Variants in ATP13A4 observed in about 807,000 individuals in gnomAD.
ATP13A4 encodes the protein ATPase 13A4, also known as probable cation-transporting ATPase 13A4.
ATP13A4 carries 114 observed loss-of-function variants against 142.5 expected under a neutral mutation model. That is an observed-to-expected ratio of 0.80 (90% CI 0.69 to 0.93). ATP13A4 has a LOEUF of 0.93. Among genes scored for constraint, ATP13A4 ranks in the 40% least tolerant of loss-of-function variants. The pLI is 0.00. For missense variants in ATP13A4, 1,392 were observed against 1,454.0 expected (o/e 0.96, Z 0.69); for synonymous variants, 488 against 514.8 (o/e 0.95, Z 0.70).
intron 7 of ATP13A4, among the ~76,000 whole-genome samples, chr3:193,489,291 A>G (rs1719810604): frequency 2.0e-5 from 3 of 152,114 alleles, no homozygotes; most frequent in African/African-American, 7.2e-5. Context: ...AACCTGGTGT[A>G]GGCATAAAGA....
At position 193,528,399 on chromosome 3, in the gene ATP13A4, T is replaced by C. The variant is rs148142125; in HGVS notation, c.61-13528A>G. Among the ~76,000 whole-genome samples the C allele has an allele frequency of 1.4e-4, 21 of 152,324 alleles. No homozygotes were observed. The East Asian group carries it at 4.0e-3, about 29-fold the overall frequency. ...TTCTTAAGATGGCACCATCAAGCCA[T>C]GATGCATGGCTCAGGTTTTGACTGA... On this transcript the variant is annotated intron_variant, in intron 1 of 29. Coordinates refer to ENST00000342695, the MANE Select transcript of ATP13A4 (RefSeq NM_032279.4).
chr3:193,494,177 T>G lies in ATP13A4; in HGVS notation c.382-1017A>C, dbSNP rs143492123. ...GGAGAAATGGACTGAAATACAATGA[T>G]AGTAAAAAATTTCAACACCTCACTC... On this transcript the variant is annotated intron_variant, in intron 3 of 29. Transcript: ENST00000342695. Among the ~76,000 whole-genome samples the G allele has an allele frequency of 1.4e-3, 212 of 152,064 alleles. 1 individual carries two copies. Among genetic ancestry groups the G allele is most frequent in the African/African-American group, 4.9e-3 (203 of 41,512 alleles).
At chr3:193,527,643 C>A (rs923386843) in intron 1 of ATP13A4, among the ~76,000 whole-genome samples, 2 of 151,846 alleles carry the variant, frequency 1.3e-5, no homozygotes, top group African/African-American at 2.4e-5. Context: ...CACTTCCCCC[C>A]TCCCCTGCCT....
At chr3:193,521,234 G>A (rs908914053) in intron 1 of ATP13A4, among the ~76,000 whole-genome samples, 12 of 151,950 alleles carry the variant, frequency 7.9e-5, no homozygotes, top group African/African-American at 2.9e-4. Context: ...CTATAATTCA[G>A]GGCAGAAAAT....
intron 28 of ATP13A4, among the ~76,000 whole-genome samples, chr3:193,407,693 A>C (rs779010088): frequency 6.6e-6 from 1 of 152,004 alleles, no homozygotes; most frequent in Non-Finnish European, 1.5e-5. Flanking sequence ...AAATTTCCTA[A>C]AATAACTTTG....
chr3:193,483,602 C>G (rs530892075), intron 8 of ATP13A4, among the ~76,000 whole-genome samples: 1 of 151,784 alleles, frequency 6.6e-6, no homozygotes, highest in Non-Finnish European at 1.5e-5. Flanking sequence ...ATAGCTGGGA[C>G]TACAGGCGCT....
chr3:193,464,347 A>G (rs2108642167), intron 12 of ATP13A4, among the ~76,000 whole-genome samples: 1 of 152,130 alleles, frequency 6.6e-6, no homozygotes, highest in South Asian at 2.1e-4. Flanking sequence ...TCCCACCTTC[A>G]CCCCAGCATA....
chr3:193,591,258 C>T (rs577149269), intron 1 of ATP13A4, among the ~76,000 whole-genome samples: 1 of 152,206 alleles, frequency 6.6e-6, no homozygotes, highest in African/African-American at 2.4e-5. Flanking sequence ...TGGTCTCAAA[C>T]TCCTGACCTC....
At position 193,437,060 on chromosome 3, in the gene ATP13A4, C is replaced by T. The variant is rs1335175839; in HGVS notation, c.2673-1316G>A. On this transcript the variant is annotated intron_variant, in intron 23 of 29. Coordinates refer to ENST00000342695, the MANE Select transcript of ATP13A4 (RefSeq NM_032279.4). ...CGGAGCTTGCAGTGAGCCGAGATCC[C>T]GCCACTGCACTCCAGCCTGGGCGAC... is the stretch of plus-strand genomic sequence containing the variant. Among the ~76,000 whole-genome samples the T allele has an allele frequency of 8.1e-5, 11 of 136,320 alleles. 1 individual carries two copies. Among genetic ancestry groups the T allele is most frequent in the African/African-American group, 2.3e-4 (7 of 30,032 alleles). The allele number at this position is 136,320 out of a possible 152,430, so 89.4% of individuals were successfully genotyped here.
At chr3:193,433,612 C>T (rs139273066) in intron 25 of ATP13A4, among the ~76,000 whole-genome samples, 139 of 152,280 alleles carry the variant, frequency 9.1e-4, no homozygotes, top group African/African-American at 3.2e-3. Flanking sequence ...TATAGAAGTT[C>T]CACATTTTGC....
intron 1 of ATP13A4, among the ~76,000 whole-genome samples, chr3:193,536,865 A>G (rs981512987): frequency 6.6e-6 from 1 of 152,016 alleles, no homozygotes. Context: ...TACTACAATC[A>G]CTCCAAAGAA....
chr3:193,546,231 T>C (rs1336895702), intron 1 of ATP13A4, among the ~76,000 whole-genome samples: 3 of 152,084 alleles, frequency 2.0e-5, no homozygotes, highest in Admixed American at 1.3e-4. Context: ...CTGAATAGTA[T>C]CAAGGAACTG....
At chr3:193,526,997 A>C (rs1408592174) in intron 1 of ATP13A4, among the ~76,000 whole-genome samples, 1 of 152,194 alleles carries the variant, frequency 6.6e-6, no homozygotes, top group Non-Finnish European at 1.5e-5. Context: ...ACTTATGGAG[A>C]TCACATCAAT....
chr3:193,480,331 T>G (rs1390424736), intron 8 of ATP13A4, among the ~76,000 whole-genome samples: 1 of 152,098 alleles, frequency 6.6e-6, no homozygotes, highest in African/African-American at 2.4e-5. Flanking sequence ...ACCAGCAGAA[T>G]AAACAGAACA....
intron 2 of ATP13A4, among the ~76,000 whole-genome samples, chr3:193,503,300 T>C (rs1411951754): frequency 6.6e-6 from 1 of 152,166 alleles, no homozygotes; most frequent in Non-Finnish European, 1.5e-5. Flanking sequence ...AGAAGGCACC[T>C]TATTGCATGA....
upstream of ATP13A4, among the ~76,000 whole-genome samples, chr3:193,556,493 ATGTG>A (rs201649566): frequency 6.7e-6 from 1 of 149,128 alleles, no homozygotes. Flanking sequence ...GTGTGTGTGT[ATGTG>A]TGTGTGTGTG....
chr3:193,454,155 A>G lies in ATP13A4; in HGVS notation c.1973T>C (p.Ile658Thr). Reference sequence around the variant, plus strand: ...TTCCAGCTTCTTGTAGGCCAGTGCTATGACTCGGAAGCCCTGTGTCGTGTA... The same window carrying G: ...TTCCAGCTTCTTGTAGGCCAGTGCTGTGACTCGGAAGCCCTGTGTCGTGTA... ...QIYTTQGFRV[I>T]ALAYKKLEND... Residue 658 changes from isoleucine (I) to threonine (T), a missense_variant, in exon 17 of 30, where the codon ATA becomes ACA. Physicochemically the swap from Ile to Thr is moderately conservative, Grantham distance 89. Transcript: ENST00000342695. The G allele has an allele frequency of 1.9e-6, 3 of 1,614,172 alleles. No homozygotes were observed. The highest frequency in any genetic ancestry group is 1.7e-6 in the Non-Finnish European group (2 of 1,179,992).
chr3:193,525,580 C>T (rs1721954707), intron 1 of ATP13A4, among the ~76,000 whole-genome samples: 1 of 152,122 alleles, frequency 6.6e-6, no homozygotes, highest in Non-Finnish European at 1.5e-5. Context: ...TTCCTGGGTC[C>T]CACACCTCCA....
chr3:193,407,222 TA>T, intron 29 of ATP13A4, 90 bp downstream of exon 29: 3 of 1,175,054 alleles, frequency 2.6e-6, no homozygotes, highest in African/African-American at 3.0e-5. Context: ...CCATGTCAGC[TA>T]AAGTTGTTGT....
Sources: gnomAD v4.1 joint callset for allele counts (sites outside exome capture counted in the v4.1 genomes callset) on GRCh38, gnomAD v4.1.1 for gene constraint, MANE v1.5 for transcripts, NCBI Gene and HGNC (gene_info 2026-07-23, HGNC 2026-07-21) for gene names.